Variants in LIMS2 observed in about 807,000 individuals in gnomAD.
LIMS2 encodes LIM and senescent cell antigen-like-containing domain protein 2.
Under a neutral mutation model 45.3 loss-of-function variants are expected in LIMS2, and 30 were observed. The ratio of observed to expected loss-of-function variants is 0.66; its 90% CI spans 0.50 to 0.90. LIMS2 has a LOEUF of 0.90. Among genes scored for constraint, LIMS2 ranks in the 40% least tolerant of loss-of-function variants. LIMS2 has a pLI of 0.00. For missense variants in LIMS2, 485 were observed against 468.7 expected, an observed-to-expected ratio of 1.03 and a Z score of -0.32; for synonymous variants, 173 against 188.0, an observed-to-expected ratio of 0.92 and a Z score of 0.65.
intron 4 of LIMS2, chr2:127,651,714 A>G: frequency 1.2e-6 from 2 of 1,613,024 alleles, no homozygotes; most frequent in Non-Finnish European, 1.7e-6. Flanking sequence ...CTTCGAAGGG[A>G]AAACCAACGA....
chr2:127,659,012 T>G (rs890847314), intron 1 of LIMS2, among the ~76,000 whole-genome samples: 1 of 151,308 alleles, frequency 6.6e-6, no homozygotes, highest in Non-Finnish European at 1.5e-5. Flanking sequence ...GTCTGAAGAG[T>G]GTCAACCACA....
chr2:127,650,325 A>C, intron 4 of LIMS2: 1 of 557,142 alleles, frequency 1.8e-6, no homozygotes, highest in East Asian at 3.0e-5. Context: ...GCCCCTCACC[A>C]CCCCTGTCAC....
At position 127,675,058 on chromosome 2, in the gene LIMS2, G is replaced by A. The variant is rs903854484; in HGVS notation, c.-34C>T. On this transcript the variant is annotated 5_prime_UTR_variant, in exon 1 of 10. Transcript: ENST00000355119. ...CGACGCCGAGCCCTGGGTTGCCGGG[G>A]TTGCCGCGGGTCTCCCTCTGCTGCT... The A allele has an allele frequency of 8.1e-7, 1 of 1,228,386 alleles. No homozygotes were observed. Among genetic ancestry groups the A allele is most frequent in the African/African-American group, 1.6e-5 (1 of 64,268 alleles). The allele number at this position is 1,228,386 out of a possible 1,614,324, so 76.1% of individuals were successfully genotyped here. A position where few individuals can be genotyped will look rare whatever the true frequency, so the allele number is the denominator to read the frequency against.
intron 1 of LIMS2, among the ~76,000 whole-genome samples, chr2:127,668,912 C>G (rs1449324575): frequency 1.3e-5 from 2 of 151,458 alleles, no homozygotes; most frequent in Non-Finnish European, 2.9e-5. Context: ...GGCAACATGG[C>G]AAAATCTCAT....
At chr2:127,651,949 T>C in intron 4 of LIMS2, 1 of 623,944 alleles carries the variant, frequency 1.6e-6, no homozygotes, top group East Asian at 2.8e-5. Context: ...CGGCCACCCC[T>C]CTGCAGGGGC....
intron 4 of LIMS2, chr2:127,649,860 A>G (rs1404317351): frequency 3.0e-6 from 2 of 663,128 alleles, no homozygotes; most frequent in Non-Finnish European, 5.2e-6. Flanking sequence ...AGCGCTGGCC[A>G]GTGTCTCTGA....
chr2:127,640,243 G>A, intron 8 of LIMS2, 27 bp downstream of exon 8: 1 of 1,613,020 alleles, frequency 6.2e-7, no homozygotes. Context: ...GAGCAGGTGG[G>A]GTGGGGGAGG....
At chr2:127,650,469 G>A in intron 4 of LIMS2, 1 of 557,286 alleles carries the variant, frequency 1.8e-6, no homozygotes, top group Non-Finnish European at 3.2e-6. Flanking sequence ...GGGTGGCAGG[G>A]GTGCAGCTGC....
In LIMS2 at chr2:127,653,503, C is replaced by T. The variant is rs573807416; in HGVS notation, c.359+921G>A. 5.3e-5 allele frequency among the ~76,000 whole-genome samples: 8 copies of T among 152,248 alleles called. No individual in the cohort carries two copies. The East Asian group carries it at 1.5e-3, about 29-fold the overall frequency. On this transcript the variant is annotated intron_variant, in intron 4 of 9. Transcript: ENST00000355119. The surrounding 1 kb of genome is among the most constrained non-coding windows in gnomAD (Gnocchi z 5.3). Reference sequence around the variant, plus strand: ...CCAGACACATGTGCCATTTAGGGCTCTAGGATTCTGTCTGCAAGGGCAGCC... The same window carrying T: ...CCAGACACATGTGCCATTTAGGGCTTTAGGATTCTGTCTGCAAGGGCAGCC...
chr2:127,654,330 C>A, intron 4 of LIMS2, 94 bp downstream of exon 4: 4 of 1,550,232 alleles, frequency 2.6e-6, no homozygotes, highest in Non-Finnish European at 2.7e-6. Context: ...GACCCTTCTG[C>A]GCCCTCAGCA....
chr2:127,640,644 G>T, intron 7 of LIMS2: 1 of 597,190 alleles, frequency 1.7e-6, no homozygotes. Context: ...GGAGGGGGTT[G>T]CTGGCACTGT....
Position 127,675,518 on chromosome 2 carries a change from T to C in LIMS2, c.-494A>G, listed in dbSNP as rs936709912. Among the ~76,000 whole-genome samples the C allele has an allele frequency of 6.6e-6, 1 of 152,038 alleles. No individual in the cohort carries two copies. Among genetic ancestry groups the C allele is most frequent in the Non-Finnish European group, 1.5e-5 (1 of 67,942 alleles). ...GTCAAGTCCTTCCCAACCCGGGCTC[T>C]GCTCGCCACCTCCTGGATTCCGGGC... On this transcript the variant is annotated 5_prime_UTR_variant, in exon 1 of 10. Transcript: ENST00000355119.
chr2:127,641,113 G>A (rs1682363339), intron 6 of LIMS2, 125 bp from the exon 7 acceptor site: 1 of 695,146 alleles, frequency 1.4e-6, no homozygotes, highest in Non-Finnish European at 2.5e-6. Flanking sequence ...AGTGGCCCCA[G>A]GAGGCAGCAG....
At chr2:127,662,627 T>TGGGGG (rs1684742526) in intron 1 of LIMS2, among the ~76,000 whole-genome samples, 1 of 36,106 alleles carries the variant, frequency 2.8e-5, no homozygotes, top group Non-Finnish European at 5.1e-5. Context: ...CAGAGGCTCT[T>TGGGGG]GTGGGGTGGG....
chr2:127,643,730 A>G (rs1288337461), intron 4 of LIMS2, among the ~76,000 whole-genome samples: 1 of 152,192 alleles, frequency 6.6e-6, no homozygotes, highest in Non-Finnish European at 1.5e-5. Flanking sequence ...TTGGACCTCA[A>G]AGGTGGCAGG....
chr2:127,651,733 T>C, intron 4 of LIMS2: 1 of 1,612,644 alleles, frequency 6.2e-7, no homozygotes, highest in Non-Finnish European at 8.5e-7. Flanking sequence ...GAGAGCTCGC[T>C]GAGTGCCAAG....
At chr2:127,663,777 T>A (rs987022926) in intron 1 of LIMS2, among the ~76,000 whole-genome samples, 6 of 151,956 alleles carry the variant, frequency 3.9e-5, no homozygotes, top group Non-Finnish European at 7.4e-5. Context: ...TTTCAGGAGC[T>A]CCTCCTCATG....
chr2:127,659,597 G>A (rs1684481101), intron 1 of LIMS2, among the ~76,000 whole-genome samples: 1 of 152,238 alleles, frequency 6.6e-6, no homozygotes, highest in African/African-American at 2.4e-5. Context: ...GGACATTCCA[G>A]TGCCTGCCCA....
intron 9 of LIMS2, among the ~76,000 whole-genome samples, chr2:127,639,739 CCTG>C (rs1281915089): frequency 6.6e-6 from 1 of 152,326 alleles, no homozygotes; most frequent in East Asian, 1.9e-4. Flanking sequence ...CTCGAGGCTT[CCTG>C]GATGAGCAGC....
Sources: gnomAD v4.1 joint callset for allele counts (sites outside exome capture counted in the v4.1 genomes callset) on GRCh38, gnomAD v4.1.1 for gene constraint, Gnocchi (gnomAD v3.1) non-coding constraint, MANE v1.5 for transcripts, NCBI Gene and HGNC (gene_info 2026-07-23, HGNC 2026-07-21) for gene names.